The following ARHGAP32 variants were observed in gnomAD, a reference collection of about 807,000 sequenced individuals.
The protein encoded by ARHGAP32 is rho GTPase-activating protein 32.
Under a neutral mutation model 186.5 loss-of-function variants are expected in ARHGAP32, and 51 were observed. That is an observed-to-expected ratio of 0.27 (90% CI 0.22 to 0.35). The LOEUF (loss-of-function observed/expected upper bound fraction) is 0.35. ARHGAP32 is among the 10% of genes least tolerant of loss of function. The probability of loss-of-function intolerance (pLI) is 1.00; values close to 1 mark genes in which losing one functional copy is unlikely to be tolerated. For missense variants in ARHGAP32, 2,186 were observed against 2,623.5 expected (o/e 0.83, Z 3.64); for synonymous variants, 950 against 964.3 (o/e 0.99, Z 0.27).
intron 5 of ARHGAP32, among the ~76,000 whole-genome samples, chr11:129,118,544 A>G (rs1045534598): frequency 4.6e-5 from 7 of 152,042 alleles, no homozygotes; most frequent in Admixed American, 6.6e-5. Context: ...TTTTAAGAAA[A>G]TATAAATGAT....
At chr11:129,253,026 G>C (rs559589649) in intron 1 of ARHGAP32, among the ~76,000 whole-genome samples, 1 of 152,300 alleles carries the variant, frequency 6.6e-6, no homozygotes, top group Admixed American at 6.5e-5. Flanking sequence ...AACAACTGGA[G>C]AGAGAATATC....
chr11:129,220,504 A>G (rs1944699001), intron 1 of ARHGAP32, among the ~76,000 whole-genome samples: 1 of 152,214 alleles, frequency 6.6e-6, no homozygotes, highest in South Asian at 2.1e-4. Flanking sequence ...ATATTCCCCA[A>G]GTACAGGAGA....
chr11:129,100,766 G>A (rs1469958814), intron 5 of ARHGAP32, among the ~76,000 whole-genome samples: 1 of 152,060 alleles, frequency 6.6e-6, no homozygotes, highest in Admixed American at 6.6e-5. Context: ...ACCTAGACCT[G>A]CGCCCACCAG....
rs565907607 is a variant in ARHGAP32, at chr11:129,126,316, T to G, written c.226-1422A>C. 2.0e-5 allele frequency among the ~76,000 whole-genome samples: 3 copies of G among 152,246 alleles called. No homozygotes were observed. In the East Asian group the frequency reaches 5.8e-4, roughly 29 times the overall value. On this transcript the variant is annotated intron_variant, in intron 2 of 22. Transcript: ENST00000682385. Reference sequence around the variant, plus strand: ...AACACAGCCATGTTCCAATAAAACTTGATATGCAAAAACAGGCATCCAACA... The same window carrying G: ...AACACAGCCATGTTCCAATAAAACTGGATATGCAAAAACAGGCATCCAACA...
At chr11:129,261,901 A>C (rs11221624) in intron 1 of ARHGAP32, among the ~76,000 whole-genome samples, 2,329 of 152,326 alleles carry the variant, frequency 0.015, 25 homozygotes, top group South Asian at 0.031. Context: ...TTGTTGCTGT[A>C]ACAAGAAAAA....
intron 1 of ARHGAP32, among the ~76,000 whole-genome samples, chr11:129,236,157 T>C (rs1376510133): frequency 6.6e-6 from 1 of 152,228 alleles, no homozygotes; most frequent in South Asian, 2.1e-4. Flanking sequence ...CTGTTTTCCA[T>C]AGTGGTTGCG....
chr11:129,022,120 A>G (rs1372608782), intron 11 of ARHGAP32, among the ~76,000 whole-genome samples: 1 of 152,116 alleles, frequency 6.6e-6, no homozygotes, highest in African/African-American at 2.4e-5. Context: ...AAAATTAAAT[A>G]TAACACACAC....
intron 11 of ARHGAP32, among the ~76,000 whole-genome samples, chr11:129,028,374 C>T (rs531822904): frequency 5.3e-5 from 8 of 152,174 alleles, no homozygotes; most frequent in Admixed American, 1.3e-4. Flanking sequence ...TAAGGAAACA[C>T]GTTAGTGAAG....
rs1253146874 is a variant in ARHGAP32, at chr11:128,966,218, G to C, written c.*2689C>G. The C allele has an allele frequency of 6.6e-6, 1 of 152,190 alleles. No homozygotes were observed. The highest frequency in any genetic ancestry group is 1.5e-5 in the Non-Finnish European group (1 of 68,040). The allele number at this position is 152,190 out of a possible 1,614,324, so 9.4% of individuals were successfully genotyped here. On this transcript the variant is annotated 3_prime_UTR_variant, in exon 23 of 23. Transcript: ENST00000682385. ...AAAATGTCAATAGGATTAAATCACG[G>C]GTTTAATGTATAAGGCAGCTCCATT...
intron 2 of ARHGAP32, among the ~76,000 whole-genome samples, chr11:129,148,120 C>T (rs1267508009): frequency 1.3e-5 from 2 of 152,164 alleles, no homozygotes; most frequent in Non-Finnish European, 1.5e-5. Flanking sequence ...CGTGTAGCTC[C>T]CACTTGGACA....
chr11:128,999,624 C>G (rs528960332), intron 11 of ARHGAP32, among the ~76,000 whole-genome samples: 4 of 152,156 alleles, frequency 2.6e-5, no homozygotes, highest in Admixed American at 2.0e-4. Context: ...GATGTCTCCC[C>G]CAGACACCCA....
At chr11:129,058,004 T>C (rs764545074) in intron 10 of ARHGAP32, among the ~76,000 whole-genome samples, 9 of 152,094 alleles carry the variant, frequency 5.9e-5, no homozygotes, top group Non-Finnish European at 1.0e-4. Context: ...TCCAGAACTG[T>C]AGGAAAATAT....
intron 1 of ARHGAP32, among the ~76,000 whole-genome samples, chr11:129,218,752 A>G (rs1944676777): frequency 6.6e-6 from 1 of 152,022 alleles, no homozygotes; most frequent in Non-Finnish European, 1.5e-5. Flanking sequence ...CAACAACAAC[A>G]AAACTATTCA....
intron 2 of ARHGAP32, among the ~76,000 whole-genome samples, chr11:129,129,385 GC>G (rs1043289958): frequency 2.8e-5 from 4 of 144,278 alleles, no homozygotes; most frequent in African/African-American, 1.0e-4. Context: ...GAGCCCCTCC[GC>G]CCGGCAGCCG....
chr11:129,173,158 A>T (rs1051342423), intron 1 of ARHGAP32, among the ~76,000 whole-genome samples: 1 of 152,108 alleles, frequency 6.6e-6, no homozygotes, highest in African/African-American at 2.4e-5. Context: ...AATACAAACT[A>T]CCATCAGAGA....
chr11:129,177,555 T>C (rs1361297675), intron 1 of ARHGAP32, among the ~76,000 whole-genome samples: 3 of 152,112 alleles, frequency 2.0e-5, no homozygotes, highest in African/African-American at 4.8e-5. Flanking sequence ...ACTGGCAAAC[T>C]GAATCCAGCA....
chr11:128,988,962 C>T (rs1194607473), intron 12 of ARHGAP32, among the ~76,000 whole-genome samples: 1 of 152,120 alleles, frequency 6.6e-6, no homozygotes, highest in Admixed American at 6.6e-5. Flanking sequence ...TTAGTATGAT[C>T]ATTTGATAGG....
intron 1 of ARHGAP32, among the ~76,000 whole-genome samples, chr11:129,272,216 C>G (rs1369624018): frequency 6.6e-6 from 1 of 152,134 alleles, no homozygotes; most frequent in Admixed American, 6.5e-5. Flanking sequence ...ATCAGTAGCT[C>G]AAGAGATAAA....
chr11:129,066,572 T>C (rs1366651490), intron 7 of ARHGAP32, among the ~76,000 whole-genome samples, 159 bp downstream of exon 7: 1 of 152,084 alleles, frequency 6.6e-6, no homozygotes, highest in African/African-American at 2.4e-5. Flanking sequence ...ATTCTAAACA[T>C]TATATTTAAC....
Sources: allele counts gnomAD v4.1 joint callset (sites outside exome capture counted in the v4.1 genomes callset), GRCh38; gene constraint gnomAD v4.1.1; transcripts MANE v1.5; gene names NCBI Gene and HGNC (gene_info 2026-07-23, HGNC 2026-07-21).